Variants in TLL1 observed in about 807,000 individuals in gnomAD.
TLL1 encodes the protein tolloid-like protein 1.
In TLL1, 49 loss-of-function variants were observed where a neutral mutation model predicts 128.2. The observed-to-expected ratio is 0.38, with a 90% CI of 0.30 to 0.48. The LOEUF is 0.48. TLL1 is among the 20% of genes least tolerant of loss of function. The probability of loss-of-function intolerance (pLI) is 0.96; values close to 1 mark genes in which losing one functional copy is unlikely to be tolerated. For missense variants in TLL1, 1,123 were observed against 1,242.0 expected, an observed-to-expected ratio of 0.90 and a Z score of 1.44; for synonymous variants, 454 against 418.8, an observed-to-expected ratio of 1.08 and a Z score of -1.03.
chr4:165,902,853 C>CA (rs1732064065), intron 1 of TLL1, among the ~76,000 whole-genome samples: 1 of 152,114 alleles, frequency 6.6e-6, no homozygotes, highest in African/African-American at 2.4e-5. Flanking sequence ...CAAAATGAAT[C>CA]AGACTTAGAT....
chr4:166,069,288 G>A (rs1441606227), intron 16 of TLL1, among the ~76,000 whole-genome samples: 1 of 151,660 alleles, frequency 6.6e-6, no homozygotes, highest in Non-Finnish European at 1.5e-5. Context: ...AAGTGGTTAT[G>A]TTTATAGCCA....
At chr4:165,934,053 C>T (rs1733654609) in intron 1 of TLL1, among the ~76,000 whole-genome samples, 1 of 151,952 alleles carries the variant, frequency 6.6e-6, no homozygotes, top group South Asian at 2.1e-4. Flanking sequence ...GGCTGGAGTG[C>T]AATGTCACGA....
At chr4:165,910,564 G>A (rs997994816) in intron 1 of TLL1, among the ~76,000 whole-genome samples, 3 of 152,136 alleles carry the variant, frequency 2.0e-5, no homozygotes, top group Non-Finnish European at 2.9e-5. Context: ...ATCCTATGTA[G>A]AGCCACACAT....
chr4:165,903,771 T>C (rs1579464795), intron 1 of TLL1, among the ~76,000 whole-genome samples: 2 of 132,600 alleles, frequency 1.5e-5, no homozygotes, highest in East Asian at 5.0e-4. Context: ...ACACAAATAA[T>C]AATAATAAAT....
chr4:165,934,111 G>C (rs1400278659), intron 1 of TLL1, among the ~76,000 whole-genome samples: 6 of 150,690 alleles, frequency 4.0e-5, no homozygotes, highest in African/African-American at 1.5e-4. Flanking sequence ...TGATTCTCCT[G>C]CCTCAGCCTC....
chr4:166,087,959 G>T (rs1741599285), intron 18 of TLL1, among the ~76,000 whole-genome samples: 1 of 151,966 alleles, frequency 6.6e-6, no homozygotes, highest in Non-Finnish European at 1.5e-5. Flanking sequence ...TTTATTTTTG[G>T]CCTTTCTAAA....
chr4:165,889,478 T>C (rs1731299637), intron 1 of TLL1, among the ~76,000 whole-genome samples: 1 of 152,230 alleles, frequency 6.6e-6, no homozygotes, highest in Non-Finnish European at 1.5e-5. Context: ...AAGATTCAAT[T>C]CAGATTTCTT....
chr4:166,068,739 AG>A (rs1424408887), intron 16 of TLL1, among the ~76,000 whole-genome samples: 1 of 151,876 alleles, frequency 6.6e-6, no homozygotes, highest in Non-Finnish European at 1.5e-5. Flanking sequence ...AGAAATTTGG[AG>A]CTACCTAATA....
intron 2 of TLL1, among the ~76,000 whole-genome samples, chr4:165,990,305 T>G (rs1736577882): frequency 6.6e-6 from 1 of 152,024 alleles, no homozygotes; most frequent in Non-Finnish European, 1.5e-5. Context: ...TTTCATGTCA[T>G]GCTTTTGATT....
At chr4:166,000,996 C>G (rs1396358409) in intron 5 of TLL1, among the ~76,000 whole-genome samples, 2 of 151,470 alleles carry the variant, frequency 1.3e-5, no homozygotes, top group African/African-American at 4.9e-5. Flanking sequence ...TATTAGGCGA[C>G]TAAAGCCTAC....
At chr4:166,058,238 C>G (rs1560841842) in intron 14 of TLL1, among the ~76,000 whole-genome samples, 1 of 152,060 alleles carries the variant, frequency 6.6e-6, no homozygotes, top group East Asian at 1.9e-4. Context: ...TTTCATCCAC[C>G]CATCTATATA....
chr4:165,899,850 G>A (rs1476801433), intron 1 of TLL1, among the ~76,000 whole-genome samples: 1 of 152,114 alleles, frequency 6.6e-6, no homozygotes, highest in African/African-American at 2.4e-5. Context: ...CATTGTGTAG[G>A]AGTCTAAGTC....
intron 16 of TLL1, among the ~76,000 whole-genome samples, chr4:166,069,617 A>G (rs1436249624): frequency 6.6e-6 from 1 of 151,774 alleles, no homozygotes; most frequent in Non-Finnish European, 1.5e-5. Context: ...AAATAATTGC[A>G]TAAGAGATTT....
intron 9 of TLL1, among the ~76,000 whole-genome samples, chr4:166,027,672 A>G (rs367676425): frequency 9.8e-5 from 15 of 152,310 alleles, no homozygotes; most frequent in Admixed American, 3.3e-4. Context: ...TCTTACTACA[A>G]CACTGAAAAG....
At chr4:166,002,567 C>T (rs1289234784) in intron 5 of TLL1, among the ~76,000 whole-genome samples, 4 of 152,112 alleles carry the variant, frequency 2.6e-5, no homozygotes, top group Admixed American at 6.5e-5. Context: ...ACCTCAGCCT[C>T]TGAAGTAGCT....
chr4:165,957,965 G>GT (rs1468666276), intron 1 of TLL1, among the ~76,000 whole-genome samples: 9 of 149,066 alleles, frequency 6.0e-5, no homozygotes, highest in Non-Finnish European at 1.2e-4. Flanking sequence ...GCGGTGTTTG[G>GT]TTTTTTGTCC....
In TLL1 at chr4:165,947,351, G is replaced by A. The variant is rs143716497; in HGVS notation, c.170-42030G>A. On this transcript the variant is annotated intron_variant, in intron 1 of 20. Transcript: ENST00000061240. Reference sequence around the variant, plus strand: ...CCACATTGGATGTTAGGGCTTCAACGTATTACTTTCCTTGGCTGGGGTCAT... The same window carrying A: ...CCACATTGGATGTTAGGGCTTCAACATATTACTTTCCTTGGCTGGGGTCAT... Among the ~76,000 whole-genome samples, 33 of 152,134 alleles carry A rather than the reference G, an allele frequency of 2.2e-4. No homozygotes were observed. The East Asian group carries it at 4.5e-3, about 21-fold the overall frequency.
chr4:165,971,076 G>T (rs1735607646), intron 1 of TLL1, among the ~76,000 whole-genome samples: 1 of 152,154 alleles, frequency 6.6e-6, no homozygotes, highest in Non-Finnish European at 1.5e-5. Flanking sequence ...TTATCCTGAT[G>T]ATTCTACTTA....
chr4:165,955,452 A>G (rs1296907049), intron 1 of TLL1, among the ~76,000 whole-genome samples: 1 of 152,034 alleles, frequency 6.6e-6, no homozygotes, highest in Non-Finnish European at 1.5e-5. Flanking sequence ...CTCCTGGGAG[A>G]TATTGCATAA....
Sources: allele counts gnomAD v4.1 joint callset (sites outside exome capture counted in the v4.1 genomes callset), GRCh38; gene constraint gnomAD v4.1.1; transcripts MANE v1.5; gene names NCBI Gene and HGNC (gene_info 2026-07-23, HGNC 2026-07-21).